The following CSMD1 variants were observed in gnomAD, a reference collection of about 807,000 sequenced individuals.
CSMD1 encodes CUB and Sushi multiple domains 1.
A neutral mutation model predicts 417.5 loss-of-function variants in CSMD1; 213 were observed. That is an observed-to-expected ratio of 0.51 (90% CI 0.46 to 0.57). The LOEUF is 0.57. Ranked by LOEUF, CSMD1 falls within the 20% of genes least tolerant of loss-of-function variation. The pLI, the probability that CSMD1 is intolerant of heterozygous loss-of-function variation, is 0.00. For synonymous variants in CSMD1, 2,862 were observed against 1,736.8 expected, an observed-to-expected ratio of 1.65 and a Z score of -16.11; for missense variants, 6,923 against 4,529.7, an observed-to-expected ratio of 1.53 and a Z score of -15.17.
intron 6 of CSMD1, among the ~76,000 whole-genome samples, chr8:3,729,775 G>C (rs1232487976): frequency 2.0e-5 from 3 of 151,936 alleles, no homozygotes; most frequent in African/African-American, 4.8e-5. Context: ...ATTATTTCAG[G>C]TGATAGATAT....
At chr8:3,836,843 T>C (rs1802742812) in intron 5 of CSMD1, among the ~76,000 whole-genome samples, 1 of 152,192 alleles carries the variant, frequency 6.6e-6, no homozygotes. Flanking sequence ...AATATGTTAA[T>C]ATTTAAATGT....
At chr8:4,192,044 G>C (rs1034828554) in intron 3 of CSMD1, among the ~76,000 whole-genome samples, 3 of 152,112 alleles carry the variant, frequency 2.0e-5, no homozygotes, top group East Asian at 1.9e-4. Flanking sequence ...TGCAACAAAA[G>C]TATTTGTGTT....
At chr8:4,289,224 T>A (rs1340864953) in intron 3 of CSMD1, among the ~76,000 whole-genome samples, 1 of 152,326 alleles carries the variant, frequency 6.6e-6, no homozygotes, top group African/African-American at 2.4e-5. Context: ...TACCTGTCGG[T>A]CATTTCTCAT....
At chr8:4,834,212 T>C (rs77721318) in intron 1 of CSMD1, among the ~76,000 whole-genome samples, 1,566 of 152,300 alleles carry the variant, frequency 0.01, 22 homozygotes, top group African/African-American at 0.036. Flanking sequence ...ACAATACATA[T>C]TTGAACGTGG....
chr8:4,355,104 G>T (rs909930333), intron 3 of CSMD1, among the ~76,000 whole-genome samples: 1 of 151,604 alleles, frequency 6.6e-6, no homozygotes, highest in Non-Finnish European at 1.5e-5. Flanking sequence ...CTACTAAAAA[G>T]ACAAAAAATT....
chr8:2,997,600 TC>T (rs1293983464), intron 54 of CSMD1, among the ~76,000 whole-genome samples: 3 of 152,254 alleles, frequency 2.0e-5, no homozygotes, highest in Admixed American at 2.0e-4. Context: ...AGCAGAGGTC[TC>T]TGTGACTACG....
intron 36 of CSMD1, among the ~76,000 whole-genome samples, chr8:3,182,049 G>A (rs1319233439): frequency 6.6e-6 from 1 of 152,192 alleles, no homozygotes. Flanking sequence ...CATACTCGAT[G>A]TCAAAGAACT....
At chr8:3,219,799 C>G (rs1195107959) in intron 28 of CSMD1, among the ~76,000 whole-genome samples, 1 of 152,098 alleles carries the variant, frequency 6.6e-6, no homozygotes, top group Non-Finnish European at 1.5e-5. Context: ...AAAAGAGACA[C>G]ATTTCCACTG....
At chr8:4,566,543 C>T (rs1798616881) in intron 2 of CSMD1, among the ~76,000 whole-genome samples, 1 of 150,142 alleles carries the variant, frequency 6.7e-6, no homozygotes, top group Admixed American at 6.7e-5. Flanking sequence ...GTCCCACCTA[C>T]TCGGGAGGCT....
chr8:4,507,201 GAC>G (rs1393616151), intron 2 of CSMD1, among the ~76,000 whole-genome samples: 1 of 152,008 alleles, frequency 6.6e-6, no homozygotes, highest in Non-Finnish European at 1.5e-5. Flanking sequence ...TTGTTAATAA[GAC>G]ACAATAAAAA....
At chr8:3,931,846 G>T (rs1810169335) in intron 5 of CSMD1, among the ~76,000 whole-genome samples, 1 of 147,742 alleles carries the variant, frequency 6.8e-6, no homozygotes, top group African/African-American at 2.5e-5. Flanking sequence ...CTATCTTTAA[G>T]GCAGAGTTGC....
intron 54 of CSMD1, among the ~76,000 whole-genome samples, chr8:2,986,699 T>A (rs1413977773): frequency 6.6e-6 from 1 of 152,042 alleles, no homozygotes; most frequent in African/African-American, 2.4e-5. Flanking sequence ...AGAGACGGGT[T>A]TTCACTCTGT....
At chr8:3,581,219 T>C (rs1444313781) in intron 9 of CSMD1, among the ~76,000 whole-genome samples, 1 of 152,214 alleles carries the variant, frequency 6.6e-6, no homozygotes, top group Non-Finnish European at 1.5e-5. Context: ...CTCTCCACTT[T>C]GTTTGCTTAT....
chr8:3,904,566 A>C (rs1807980961), intron 5 of CSMD1, among the ~76,000 whole-genome samples: 1 of 151,806 alleles, frequency 6.6e-6, no homozygotes, highest in African/African-American at 2.4e-5. Flanking sequence ...CACACTTTGG[A>C]GAGTTGGGAA....
At chr8:3,589,914 G>C (rs1206902727) in intron 8 of CSMD1, among the ~76,000 whole-genome samples, 2 of 151,582 alleles carry the variant, frequency 1.3e-5, no homozygotes, top group Non-Finnish European at 2.9e-5. Flanking sequence ...CTGACTAATT[G>C]ATTTCATTTC....
At chr8:4,961,107 A>C (rs1398719525) in intron 1 of CSMD1, among the ~76,000 whole-genome samples, 1 of 152,186 alleles carries the variant, frequency 6.6e-6, no homozygotes, top group Non-Finnish European at 1.5e-5. Flanking sequence ...CATTAGGACT[A>C]TAAAATCCAA....
chr8:4,326,898 A>G (rs183782126), intron 3 of CSMD1, among the ~76,000 whole-genome samples: 130 of 152,302 alleles, frequency 8.5e-4, no homozygotes, highest in African/African-American at 2.9e-3. Context: ...TAGACCATGT[A>G]TAGGAGGAAA....
chr8:3,149,128 A>G (rs535958864), intron 40 of CSMD1, among the ~76,000 whole-genome samples: 1 of 152,310 alleles, frequency 6.6e-6, no homozygotes, highest in South Asian at 2.1e-4. Flanking sequence ...ATAGATCCCA[A>G]ATATGAATTT....
intron 7 of CSMD1, among the ~76,000 whole-genome samples, chr8:3,623,074 A>G (rs996487652): frequency 1.3e-5 from 2 of 152,224 alleles, no homozygotes; most frequent in African/African-American, 2.4e-5. Flanking sequence ...AGATTGGTTC[A>G]TTACACACCA....
Sources: allele counts gnomAD v4.1 joint callset (sites outside exome capture counted in the v4.1 genomes callset), GRCh38; gene constraint gnomAD v4.1.1; transcripts MANE v1.5; gene names NCBI Gene and HGNC (gene_info 2026-07-23, HGNC 2026-07-21).